The following GLG1 variants were observed in gnomAD, a reference collection of about 807,000 sequenced individuals.
The protein encoded by GLG1 is golgi glycoprotein 1.
GLG1 carries 38 observed loss-of-function variants against 160.5 expected under a neutral mutation model. The observed-to-expected ratio is 0.24, with a 90% CI of 0.18 to 0.31. The LOEUF (loss-of-function observed/expected upper bound fraction) is 0.31. Ranked by LOEUF, GLG1 falls within the 10% of genes least tolerant of loss-of-function variation. The pLI is 1.00. For synonymous variants in GLG1, 644 were observed against 543.4 expected (o/e 1.19, Z -2.57); for missense variants, 1,373 against 1,505.2 (o/e 0.91, Z 1.45).
chr16:74,470,088 G>C lies in GLG1; in HGVS notation c.2230-15C>G, dbSNP rs763432575. 2 of 1,547,736 alleles carry C rather than the reference G, an allele frequency of 1.3e-6. No homozygotes were observed. Among genetic ancestry groups the C allele is most frequent in the Non-Finnish European group, 1.8e-6 (2 of 1,121,288 alleles). Reference sequence around the variant, plus strand: ...TTCATCTGCACCTGAAAGGTAAAGAGAAAGAAAGTCAGAAGTTTTGTGGCA... The same window carrying C: ...TTCATCTGCACCTGAAAGGTAAAGACAAAGAAAGTCAGAAGTTTTGTGGCA... On this transcript the variant is annotated splice_polypyrimidine_tract_variant and intron_variant, in intron 15 of 25. Coordinates refer to ENST00000422840, the MANE Select transcript of GLG1 (RefSeq NM_001145667.2).
intron 2 of GLG1, among the ~76,000 whole-genome samples, chr16:74,522,487 T>C (rs2017197906): frequency 6.6e-6 from 1 of 152,222 alleles, no homozygotes; most frequent in Admixed American, 6.5e-5. Flanking sequence ...CACCTTTTCA[T>C]TGTTTTTAGT....
chr16:74,572,727 T>C (rs542137837), intron 1 of GLG1, among the ~76,000 whole-genome samples: 6 of 152,034 alleles, frequency 3.9e-5, no homozygotes, highest in African/African-American at 7.2e-5. Context: ...TACTTGTAAA[T>C]AGAAGTGTTC....
At chr16:74,521,498 G>T (rs1301766693) in intron 2 of GLG1, among the ~76,000 whole-genome samples, 2 of 152,078 alleles carry the variant, frequency 1.3e-5, no homozygotes, top group African/African-American at 2.4e-5. Flanking sequence ...ATTACTAATG[G>T]ATTGAATGTG....
At chr16:74,454,666 C>CAAAAAAA (rs58759187) in intron 25 of GLG1, among the ~76,000 whole-genome samples, 2 of 38,494 alleles carry the variant, frequency 5.2e-5, no homozygotes, top group Non-Finnish European at 9.1e-5. Flanking sequence ...AATCCGTCCC[C>CAAAAAAA]AAAAAAAAAA....
chr16:74,576,175 C>A (rs111330729), intron 1 of GLG1, among the ~76,000 whole-genome samples: 1 of 151,380 alleles, frequency 6.6e-6, no homozygotes, highest in Non-Finnish European at 1.5e-5. Context: ...CCAGTCTGCG[C>A]GACAGAGCGA....
At chr16:74,521,425 G>GTA (rs1397691558) in intron 2 of GLG1, among the ~76,000 whole-genome samples, 1 of 152,138 alleles carries the variant, frequency 6.6e-6, no homozygotes, top group Non-Finnish European at 1.5e-5. Flanking sequence ...ATGATGACTT[G>GTA]TATCAGGGCA....
intron 1 of GLG1, among the ~76,000 whole-genome samples, chr16:74,532,825 C>A (rs1425991327): frequency 6.6e-6 from 1 of 152,122 alleles, no homozygotes; most frequent in Non-Finnish European, 1.5e-5. Context: ...CCGTTCCCAG[C>A]CCCCATCAAT....
intron 22 of GLG1, chr16:74,461,466 CTTTTTTTTTTTT>C (rs34176824): frequency 4.5e-5 from 3 of 67,102 alleles, no homozygotes; most frequent in Non-Finnish European, 5.3e-5. Context: ...CTCGCCCGGG[CTTTTTTTTTTTT>C]TTTTTTTTTT....
intron 16 of GLG1, 194 bp downstream of exon 16, chr16:74,469,791 T>A: frequency 1.7e-6 from 1 of 587,410 alleles, no homozygotes; most frequent in African/African-American, 1.9e-5. Context: ...GGGACCTCCA[T>A]GTGAGAACTA....
chr16:74,482,028 T>C (rs1218188974), intron 10 of GLG1, among the ~76,000 whole-genome samples: 1 of 152,094 alleles, frequency 6.6e-6, no homozygotes, highest in East Asian at 1.9e-4. Context: ...GCCCTTGTTC[T>C]CCTCCCACCT....
intron 1 of GLG1, among the ~76,000 whole-genome samples, chr16:74,567,365 C>T (rs1223322826): frequency 6.6e-6 from 1 of 152,040 alleles, no homozygotes; most frequent in Non-Finnish European, 1.5e-5. Flanking sequence ...TTTGTAATGC[C>T]AGCGCTTTAG....
chr16:74,601,734 A>G (rs4887776), intron 1 of GLG1, among the ~76,000 whole-genome samples: 108,107 of 152,050 alleles, frequency 0.71, 39,076 homozygotes, highest in African/African-American at 0.83. Flanking sequence ...GAAATCTACA[A>G]ATACTTCAAT....
intron 8 of GLG1, among the ~76,000 whole-genome samples, chr16:74,489,883 G>A (rs1273319495): frequency 6.6e-6 from 1 of 152,150 alleles, no homozygotes; most frequent in East Asian, 1.9e-4. Context: ...CTGTAAAACT[G>A]TTGTGTTTCA....
At chr16:74,540,702 G>A (rs535778430) in intron 1 of GLG1, among the ~76,000 whole-genome samples, 2 of 151,446 alleles carry the variant, frequency 1.3e-5, no homozygotes, top group African/African-American at 2.4e-5. Context: ...TTTGGTGCTG[G>A]TGTTAACCAT....
intron 1 of GLG1, among the ~76,000 whole-genome samples, chr16:74,594,694 G>C (rs1311818292): frequency 6.6e-6 from 1 of 152,142 alleles, no homozygotes; most frequent in Non-Finnish European, 1.5e-5. Context: ...TCATAAATTA[G>C]GCATTCGGAA....
chr16:74,561,549 C>T (rs1355395789), intron 1 of GLG1, among the ~76,000 whole-genome samples: 1 of 152,074 alleles, frequency 6.6e-6, no homozygotes, highest in Non-Finnish European at 1.5e-5. Flanking sequence ...CTAACCCAAG[C>T]AGGACAAAAA....
Position 74,506,081 on chromosome 16 carries a change from A to ATTT in GLG1, c.559-2338_559-2336dup, listed in dbSNP as rs71376213. Among the ~76,000 whole-genome samples the ATTT allele has an allele frequency of 8.7e-3, 891 of 101,876 alleles. 30 individuals carry two copies. Among genetic ancestry groups the ATTT allele is most frequent in the East Asian group, 0.059 (178 of 3,020 alleles). 66.8% of individuals were successfully genotyped at this position (101,876 alleles called of 152,430 possible). A position where few individuals can be genotyped will look rare whatever the true frequency, so the allele number is the denominator to read the frequency against. ...GCCAGGACTGTATTTCCTGGAAAAG[A>ATTT]TTTTTTTTTTTTTTTTTTTTTGCCG... On this transcript the variant is annotated intron_variant, in intron 3 of 25. Transcript: ENST00000422840.
chr16:74,550,437 G>C (rs1278199821), intron 1 of GLG1, among the ~76,000 whole-genome samples: 1 of 152,040 alleles, frequency 6.6e-6, no homozygotes, highest in Non-Finnish European at 1.5e-5. Flanking sequence ...GCCTGGCAAT[G>C]TGTCCGCCGT....
intron 2 of GLG1, among the ~76,000 whole-genome samples, chr16:74,531,482 C>G (rs181190699): frequency 3.1e-4 from 47 of 152,232 alleles, no homozygotes; most frequent in African/African-American, 1.1e-3. Context: ...CCATGCCCAG[C>G]TAATTTTTGT....
Sources: gnomAD v4.1 joint callset for allele counts (sites outside exome capture counted in the v4.1 genomes callset) on GRCh38, gnomAD v4.1.1 for gene constraint, MANE v1.5 for transcripts, NCBI Gene and HGNC (gene_info 2026-07-23, HGNC 2026-07-21) for gene names.